The following PID1 variants were observed in gnomAD, a reference collection of about 807,000 sequenced individuals.
PID1 encodes phosphotyrosine interaction domain containing 1, also known as PTB-containing, cubilin and LRP1-interacting protein.
Under a neutral mutation model 19.1 loss-of-function variants are expected in PID1, and 10 were observed. That is an observed-to-expected ratio of 0.52 (90% CI 0.32 to 0.89). The LOEUF (loss-of-function observed/expected upper bound fraction) is 0.89. Ranked by LOEUF, PID1 falls within the 40% of genes least tolerant of loss-of-function variation. The pLI is 0.03. For missense variants in PID1, 248 were observed against 285.3 expected (o/e 0.87, Z 0.94); for synonymous variants, 130 against 116.0 (o/e 1.12, Z -0.78).
At chr2:229,043,121 T>C (rs914177244) in intron 2 of PID1, among the ~76,000 whole-genome samples, 3 of 151,958 alleles carry the variant, frequency 2.0e-5, no homozygotes, top group African/African-American at 7.3e-5. Context: ...TTCTCCTGCC[T>C]CAGCCTCCAG....
intron 2 of PID1, among the ~76,000 whole-genome samples, chr2:229,071,421 A>G (rs913364184): frequency 6.6e-6 from 1 of 152,224 alleles, no homozygotes; most frequent in African/African-American, 2.4e-5. Context: ...CTCTGAGCAC[A>G]TGCTAAGCGC....
chr2:229,141,209 G>T (rs1265450452), intron 2 of PID1, among the ~76,000 whole-genome samples: 2 of 152,032 alleles, frequency 1.3e-5, no homozygotes, highest in Middle Eastern at 3.4e-3. Context: ...TAATCTTCAA[G>T]ACTAAGGTCC....
At chr2:229,167,576 C>T (rs1399228250) in intron 1 of PID1, among the ~76,000 whole-genome samples, 1 of 152,050 alleles carries the variant, frequency 6.6e-6, no homozygotes, top group Non-Finnish European at 1.5e-5. Flanking sequence ...GGCAGTAGAA[C>T]TGACCAGATT....
intron 1 of PID1, among the ~76,000 whole-genome samples, chr2:229,163,650 AGTGTGTGTGTGT>A (rs796992081): frequency 2.1e-5 from 3 of 140,972 alleles, no homozygotes; most frequent in Non-Finnish European, 4.7e-5. Context: ...AGAGAGAGAG[AGTGTGTGTGTGT>A]GTGTGTGTGT....
chr2:229,147,304 A>G (rs1690155294), intron 2 of PID1, among the ~76,000 whole-genome samples: 1 of 152,172 alleles, frequency 6.6e-6, no homozygotes, highest in Non-Finnish European at 1.5e-5. Context: ...CAAACTTTTA[A>G]CATCCAAATA....
chr2:229,110,458 T>C (rs1695275124), intron 2 of PID1, among the ~76,000 whole-genome samples: 1 of 152,042 alleles, frequency 6.6e-6, no homozygotes. Context: ...TCTCTAGGAA[T>C]GGGAGGTACA....
intron 2 of PID1, among the ~76,000 whole-genome samples, chr2:229,093,132 CTTTT>C (rs1011657647): frequency 1.7e-5 from 1 of 57,998 alleles, no homozygotes; most frequent in Non-Finnish European, 4.8e-5. Flanking sequence ...CTTTCTTTTT[CTTTT>C]TCTTTTTTTT....
chr2:229,067,303 A>G (rs4973153), intron 2 of PID1, among the ~76,000 whole-genome samples: 14,060 of 152,130 alleles, frequency 0.092, 1,034 homozygotes, highest in Admixed American at 0.19. Context: ...GGGGACACAG[A>G]GCCAAACCAT....
chr2:229,188,446 G>C (rs1691181201), intron 1 of PID1, among the ~76,000 whole-genome samples: 1 of 152,114 alleles, frequency 6.6e-6, no homozygotes, highest in African/African-American at 2.4e-5. Context: ...AGAAGAGATT[G>C]TGTCTGTTAG....
intron 2 of PID1, among the ~76,000 whole-genome samples, chr2:229,122,680 T>C (rs1014765920): frequency 1.3e-5 from 2 of 152,190 alleles, no homozygotes; most frequent in Non-Finnish European, 2.9e-5. Flanking sequence ...TCGTCATTAG[T>C]GGATATCAGG....
At chr2:229,077,826 C>T (rs1355468207) in intron 2 of PID1, among the ~76,000 whole-genome samples, 1 of 152,182 alleles carries the variant, frequency 6.6e-6, no homozygotes, top group Non-Finnish European at 1.5e-5. Flanking sequence ...CATGATGCCT[C>T]CAGCTTTGTT....
intron 1 of PID1, among the ~76,000 whole-genome samples, chr2:229,229,208 C>A (rs1439074721): frequency 6.6e-6 from 1 of 152,154 alleles, no homozygotes; most frequent in East Asian, 1.9e-4. Context: ...CCACCCTTGG[C>A]TCTAGAGCAC....
intron 1 of PID1, among the ~76,000 whole-genome samples, chr2:229,161,039 T>C (rs190340131): frequency 1.4e-4 from 22 of 152,268 alleles, no homozygotes; most frequent in Admixed American, 5.2e-4. Context: ...CCCCCAACAC[T>C]GAATAATGTC....
chr2:229,143,276 G>C (rs1017035409), intron 2 of PID1, among the ~76,000 whole-genome samples: 4 of 151,090 alleles, frequency 2.6e-5, no homozygotes, highest in Non-Finnish European at 4.4e-5. Context: ...CAGCACACCA[G>C]CATGGCACAT....
intron 1 of PID1, among the ~76,000 whole-genome samples, chr2:229,216,421 G>C (rs1265429928): frequency 6.6e-6 from 1 of 152,034 alleles, no homozygotes; most frequent in African/African-American, 2.4e-5. Context: ...CAAAACAGTG[G>C]GATGAGAAAG....
chr2:229,139,338 C>T (rs1294725227), intron 2 of PID1, among the ~76,000 whole-genome samples: 2 of 152,154 alleles, frequency 1.3e-5, no homozygotes, highest in Admixed American at 6.5e-5. Context: ...GAGTCAAATG[C>T]TGCAGCCTAA....
chr2:229,156,682 C>T (rs1015408203), intron 1 of PID1, among the ~76,000 whole-genome samples: 9 of 152,124 alleles, frequency 5.9e-5, no homozygotes, highest in Non-Finnish European at 4.4e-5. Context: ...AGAATTGCCC[C>T]ACCGTCACCA....
intron 1 of PID1, among the ~76,000 whole-genome samples, chr2:229,240,690 T>G (rs1236691056): frequency 6.6e-6 from 1 of 152,168 alleles, no homozygotes; most frequent in African/African-American, 2.4e-5. Context: ...AACAAAAGTG[T>G]AGTTTTCTTT....
chr2:229,057,848 C>T (rs1024362857), intron 2 of PID1, among the ~76,000 whole-genome samples: 3 of 152,158 alleles, frequency 2.0e-5, no homozygotes, highest in Admixed American at 6.6e-5. Flanking sequence ...ACACAGCATT[C>T]TACCTCCACA....
Sources: allele counts gnomAD v4.1 joint callset (sites outside exome capture counted in the v4.1 genomes callset), GRCh38; gene constraint gnomAD v4.1.1; transcripts MANE v1.5; gene names NCBI Gene and HGNC (gene_info 2026-07-23, HGNC 2026-07-21).